The following GGTA1 variants were observed in gnomAD, a reference collection of about 807,000 sequenced individuals.
The protein encoded by GGTA1 is glycoprotein alpha-galactosyltransferase 1 (inactive).
In GGTA1, 5 loss-of-function variants were observed where a neutral mutation model predicts 2.6. That is an observed-to-expected ratio of 1.92 (90% CI 1.00 to 4.04). The LOEUF (loss-of-function observed/expected upper bound fraction) is 4.04, where lower values mean the gene tolerates loss of function less well. Among genes scored for constraint, GGTA1 ranks in the 30% most tolerant of loss-of-function variants. The probability of loss-of-function intolerance (pLI) is 0.00; values close to 1 mark genes in which losing one functional copy is unlikely to be tolerated. For missense variants in GGTA1, 50 were observed against 16.7 expected (o/e 2.99, Z -3.47); for synonymous variants, 17 against 5.0 (o/e 3.38, Z -3.19).
intron 1 of GGTA1, among the ~76,000 whole-genome samples, chr9:121,470,035 C>CCCATGTGGTT (rs1390387122): frequency 6.6e-6 from 1 of 152,164 alleles, no homozygotes; most frequent in African/African-American, 2.4e-5. Context: ...TTGTGTCTTT[C>CCCATGTGGTT]CCATGTGGTC....
intron 1 of GGTA1, among the ~76,000 whole-genome samples, chr9:121,482,224 T>G (rs181020363): frequency 6.6e-6 from 1 of 152,064 alleles, no homozygotes; most frequent in East Asian, 1.9e-4. Flanking sequence ...TCCCAGCACT[T>G]TGGGAGGCTG....
chr9:121,448,222 G>A (rs2064861535), intron 7 of GGTA1, among the ~76,000 whole-genome samples: 1 of 152,106 alleles, frequency 6.6e-6, no homozygotes, highest in African/African-American at 2.4e-5. Context: ...AGTCAAAGGG[G>A]GTACTAGTTC....
chr9:121,479,219 A>G (rs1248923026), intron 1 of GGTA1: 2 of 423,036 alleles, frequency 4.7e-6, no homozygotes, highest in African/African-American at 2.1e-5. Flanking sequence ...TCACCATCTC[A>G]CATACCTCCT....
chr9:121,474,702 A>G (rs1219258247), intron 1 of GGTA1, among the ~76,000 whole-genome samples: 1 of 152,160 alleles, frequency 6.6e-6, no homozygotes, highest in Non-Finnish European at 1.5e-5. Flanking sequence ...TATCTTCTCC[A>G]TCTCGTGCCA....
intron 1 of GGTA1, among the ~76,000 whole-genome samples, chr9:121,496,912 A>G (rs779541900): frequency 6.6e-5 from 10 of 151,444 alleles, no homozygotes; most frequent in Non-Finnish European, 1.2e-4. Context: ...AGGTTTTACA[A>G]CTGGGCATGG....
chr9:121,467,777 G>C (rs1302324521), intron 2 of GGTA1, 66 bp downstream of exon 2: 1 of 412,830 alleles, frequency 2.4e-6, no homozygotes, highest in East Asian at 7.3e-5. Flanking sequence ...CAACTTGGAT[G>C]ATACTAGTAG....
chr9:121,493,422 A>G (rs1828916821), intron 1 of GGTA1, among the ~76,000 whole-genome samples: 1 of 152,100 alleles, frequency 6.6e-6, no homozygotes, highest in Non-Finnish European at 1.5e-5. Flanking sequence ...CGCCCAAGAC[A>G]TTAAAACTCT....
At chr9:121,458,577 T>C (rs1056572686) in intron 5 of GGTA1, among the ~76,000 whole-genome samples, 4 of 151,638 alleles carry the variant, frequency 2.6e-5, no homozygotes, top group Non-Finnish European at 5.9e-5. Flanking sequence ...CAGTGAGCCA[T>C]GATTGTGCCA....
At chr9:121,479,305 C>CA (rs1828583918) in intron 1 of GGTA1, 2 of 358,636 alleles carry the variant, frequency 5.6e-6, no homozygotes, top group Non-Finnish European at 1.1e-5. Flanking sequence ...AGGCAGGACT[C>CA]AGAGAAAGGG....
chr9:121,457,111 C>T (rs1256078434), intron 5 of GGTA1, among the ~76,000 whole-genome samples: 2 of 152,128 alleles, frequency 1.3e-5, no homozygotes, highest in East Asian at 1.9e-4. Flanking sequence ...GAAAGGATTT[C>T]GGAGGAGGAA....
At chr9:121,486,977 C>T (rs1828769431) in intron 1 of GGTA1, among the ~76,000 whole-genome samples, 4 of 152,210 alleles carry the variant, frequency 2.6e-5, no homozygotes, top group South Asian at 2.1e-4. Flanking sequence ...TCTCAGAAAA[C>T]GAATCTGAAG....
Position 121,460,123 on chromosome 9 carries a change from A to G in GGTA1, c.279T>C (p.Tyr93=), listed in dbSNP as rs2064947424. Residue 93 remains tyrosine (Y), a synonymous_variant, in exon 5 of 6, where the codon TAT becomes TAC. Coordinates refer to ENST00000481799, the MANE Select transcript of GGTA1 (RefSeq NM_001382585.1). ...GRKMTQQSFG[Y]GTGLIQT is the part of the protein sequence containing the mutation. ...TCTTACTTTGGATTAAACCAGTCCC[A>G]TAGCCGAAGCTCTGTTGTGTCATTT... 2.2e-6 allele frequency: 1 copy of G among 456,800 alleles called. No homozygotes were observed. The allele number at this position is 456,800 out of a possible 1,614,324, so 28.3% of individuals were successfully genotyped here.
chr9:121,473,990 AAAAG>A (rs879369140), intron 1 of GGTA1, among the ~76,000 whole-genome samples: 1,707 of 151,646 alleles, frequency 0.011, 16 homozygotes, highest in Middle Eastern at 0.031. Flanking sequence ...AGAGAGAGAG[AAAAG>A]AAAGAAAGAA....
At chr9:121,490,844 G>T (rs1422748310) in intron 1 of GGTA1, among the ~76,000 whole-genome samples, 1 of 152,144 alleles carries the variant, frequency 6.6e-6, no homozygotes, top group Non-Finnish European at 1.5e-5. Context: ...TCCCTCTGTT[G>T]CATACAACCG....
chr9:121,473,940 G>GA (rs1828449359), intron 1 of GGTA1, among the ~76,000 whole-genome samples: 1 of 122,384 alleles, frequency 8.2e-6, no homozygotes, highest in African/African-American at 3.2e-5. Context: ...AAAGAGAGAA[G>GA]GAGAGAGAGA....
chr9:121,492,661 C>T (rs949113028), intron 1 of GGTA1, among the ~76,000 whole-genome samples: 8 of 151,470 alleles, frequency 5.3e-5, no homozygotes, highest in South Asian at 2.1e-4. Flanking sequence ...TTAGTAGAGA[C>T]GGGGATTTCT....
intron 4 of GGTA1, among the ~76,000 whole-genome samples, chr9:121,460,902 T>G (rs2064955324): frequency 6.6e-6 from 1 of 151,820 alleles, no homozygotes; most frequent in Non-Finnish European, 1.5e-5. Flanking sequence ...CCAAGTTAAC[T>G]GAAACAAAAC....
intron 1 of GGTA1, among the ~76,000 whole-genome samples, chr9:121,471,943 C>G (rs1828398201): frequency 6.6e-6 from 1 of 152,248 alleles, no homozygotes; most frequent in African/African-American, 2.4e-5. Context: ...GATGTCCTCA[C>G]TTCCAGAGAA....
chr9:121,480,043 C>G (rs1564655954), intron 1 of GGTA1, among the ~76,000 whole-genome samples: 1 of 132,236 alleles, frequency 7.6e-6, no homozygotes, highest in Admixed American at 7.4e-5. Context: ...TTCTTTCTTT[C>G]TTTTTTTCTT....
Sources: gnomAD v4.1 joint callset for allele counts (sites outside exome capture counted in the v4.1 genomes callset) on GRCh38, gnomAD v4.1.1 for gene constraint, MANE v1.5 for transcripts, NCBI Gene and HGNC (gene_info 2026-07-23, HGNC 2026-07-21) for gene names.